The following RALGPS2 variants were observed in gnomAD, a reference collection of about 807,000 sequenced individuals.
RALGPS2 encodes the protein ras-specific guanine nucleotide-releasing factor RalGPS2.
In RALGPS2, 43 loss-of-function variants were observed where a neutral mutation model predicts 86.8. That is an observed-to-expected ratio of 0.50 (90% CI 0.39 to 0.64). RALGPS2 has a LOEUF of 0.64. Among genes scored for constraint, RALGPS2 ranks in the 30% least tolerant of loss-of-function variants. RALGPS2 has a pLI of 0.00. For synonymous variants in RALGPS2, 243 were observed against 231.3 expected, an observed-to-expected ratio of 1.05 and a Z score of -0.46; for missense variants, 536 against 694.6, an observed-to-expected ratio of 0.77 and a Z score of 2.57.
chr1:178,758,913 A>T (rs1351410793), intron 1 of RALGPS2, among the ~76,000 whole-genome samples: 1 of 152,142 alleles, frequency 6.6e-6, no homozygotes. Flanking sequence ...TTAAAAAATC[A>T]GAGTATTAGA....
chr1:178,831,690 C>G (rs924333317), intron 7 of RALGPS2, among the ~76,000 whole-genome samples: 1 of 123,342 alleles, frequency 8.1e-6, no homozygotes, highest in Non-Finnish European at 1.6e-5. Context: ...TTAAATATAA[C>G]ATTATAAATA....
At chr1:178,865,256 T>A (rs983961629) in intron 8 of RALGPS2, 11 of 1,614,122 alleles carry the variant, frequency 6.8e-6, no homozygotes, top group Non-Finnish European at 9.3e-6. Context: ...CACCTCTAGT[T>A]CCCTGTATCT....
At chr1:178,744,085 T>C (rs1416031847) in intron 1 of RALGPS2, among the ~76,000 whole-genome samples, 3 of 152,202 alleles carry the variant, frequency 2.0e-5, no homozygotes, top group African/African-American at 7.2e-5. Context: ...ATAACTCACA[T>C]GAGCATACAT....
rs1379359157 is a variant in RALGPS2, at chr1:178,920,486, T to C, written c.*4127T>C. On this transcript the variant is annotated 3_prime_UTR_variant, in exon 20 of 20. Transcript: ENST00000367635. Reference sequence around the variant, plus strand: ...TATCCCTCTCTCCACCAGCTTAATCTTTCTCACCCCAAGTCTAACAAAGTC... The same window carrying C: ...TATCCCTCTCTCCACCAGCTTAATCCTTCTCACCCCAAGTCTAACAAAGTC... The C allele has an allele frequency of 1.3e-5, 2 of 151,996 alleles. No individual in the cohort carries two copies. Among genetic ancestry groups the C allele is most frequent in the Non-Finnish European group, 2.9e-5 (2 of 67,884 alleles). The allele number at this position is 151,996 out of a possible 1,614,324, so 9.4% of individuals were successfully genotyped here.
intron 13 of RALGPS2, among the ~76,000 whole-genome samples, chr1:178,887,493 A>G (rs1411905403): frequency 6.6e-6 from 1 of 152,164 alleles, no homozygotes; most frequent in Non-Finnish European, 1.5e-5. Flanking sequence ...AGCTACTTTT[A>G]TTTTTAAAAA....
At chr1:178,910,722 T>G (rs1358325174) in intron 19 of RALGPS2, among the ~76,000 whole-genome samples, 1 of 152,188 alleles carries the variant, frequency 6.6e-6, no homozygotes. Context: ...TGTAGTTCTG[T>G]TTTTTCATTG....
At chr1:178,840,080 TAGAC>T (rs1431277526) in intron 8 of RALGPS2, among the ~76,000 whole-genome samples, 1 of 152,068 alleles carries the variant, frequency 6.6e-6, no homozygotes, top group East Asian at 1.9e-4. Flanking sequence ...CTGTCAACAT[TAGAC>T]AGATCAACAA....
intron 1 of RALGPS2, among the ~76,000 whole-genome samples, chr1:178,773,654 G>A (rs1393231487): frequency 6.6e-6 from 1 of 151,968 alleles, no homozygotes; most frequent in African/African-American, 2.4e-5. Flanking sequence ...AAATTAGCCG[G>A]GCGTGGTGGC....
intron 19 of RALGPS2, among the ~76,000 whole-genome samples, chr1:178,914,256 C>A (rs1228497430): frequency 2.0e-5 from 3 of 152,262 alleles, no homozygotes; most frequent in East Asian, 3.9e-4. Context: ...CACCATACCC[C>A]CTGGGCTCCA....
intron 4 of RALGPS2, among the ~76,000 whole-genome samples, chr1:178,807,144 C>T (rs547698158): frequency 1.3e-5 from 2 of 152,156 alleles, no homozygotes; most frequent in East Asian, 3.9e-4. Context: ...TCCAGTCTGG[C>T]CAACATAGCG....
At position 178,725,338 on chromosome 1, in the gene RALGPS2, C is replaced by G. The variant is rs1333448879; in HGVS notation, c.-165C>G. ...ACTGTTCGGGTCGACGAGTGCTACT[C>G]TAGGCGGCGGCGGCCGTGGCGGTGA... On this transcript the variant is annotated 5_prime_UTR_variant, in exon 1 of 20. Transcript: ENST00000367635. 6.4e-6 allele frequency: 1 copy of G among 157,300 alleles called. No homozygotes were observed. The highest frequency in any genetic ancestry group is 1.4e-5 in the Non-Finnish European group (1 of 72,434). The allele number at this position is 157,300 out of a possible 1,614,324, so 9.7% of individuals were successfully genotyped here.
At chr1:178,783,117 T>C (rs1201092850) in intron 2 of RALGPS2, among the ~76,000 whole-genome samples, 1 of 152,146 alleles carries the variant, frequency 6.6e-6, no homozygotes, top group Non-Finnish European at 1.5e-5. Context: ...GCGTACAGCA[T>C]GCGAGAACAA....
chr1:178,821,786 T>C (rs892327466), intron 7 of RALGPS2, 82 bp downstream of exon 7: 1 of 1,052,880 alleles, frequency 9.5e-7, no homozygotes, highest in Non-Finnish European at 1.4e-6. Context: ...TAATTCTTAT[T>C]AAAGTTAATA....
At position 178,747,813 on chromosome 1, in the gene RALGPS2, G is replaced by A. The variant is rs541807401; in HGVS notation, c.-84+22394G>A. ...GTGCCAGCGGAGACGCTCAGGCCCTGCACGATCCGCAGAGAGCCTATATTA... is the reference window on the plus strand; with the variant it reads ...GTGCCAGCGGAGACGCTCAGGCCCTACACGATCCGCAGAGAGCCTATATTA... On this transcript the variant is annotated intron_variant, in intron 1 of 19. Transcript: ENST00000367635. The A allele has an allele frequency of 1.5e-4, 96 of 654,110 alleles. No individual in the cohort carries two copies. The African/African-American group carries it at 1.6e-3, about 11-fold the overall frequency. The allele number at this position is 654,110 out of a possible 1,614,324, so 40.5% of individuals were successfully genotyped here.
chr1:178,900,652 A>G (rs1572465614), intron 17 of RALGPS2, among the ~76,000 whole-genome samples: 2 of 152,054 alleles, frequency 1.3e-5, no homozygotes, highest in South Asian at 4.1e-4. Context: ...ATACTTATCA[A>G]TAAGGAAATG....
At chr1:178,863,533 C>A (rs912774537) in intron 8 of RALGPS2, among the ~76,000 whole-genome samples, 29 of 152,188 alleles carry the variant, frequency 1.9e-4, no homozygotes, top group African/African-American at 6.5e-4. Flanking sequence ...GCCTTGAGAT[C>A]TGCTAAATTG....
intron 8 of RALGPS2, among the ~76,000 whole-genome samples, chr1:178,851,773 C>G (rs1319756167): frequency 6.6e-6 from 1 of 152,118 alleles, no homozygotes; most frequent in African/African-American, 2.4e-5. Flanking sequence ...TCTATCTCTC[C>G]TCTTTTCTCG....
At chr1:178,880,079 T>C (rs1659178605) in intron 10 of RALGPS2, among the ~76,000 whole-genome samples, 1 of 152,178 alleles carries the variant, frequency 6.6e-6, no homozygotes, top group Admixed American at 6.5e-5. Flanking sequence ...TTCGCAAGCT[T>C]TCAAATTGAA....
chr1:178,735,727 G>A (rs1473588471), intron 1 of RALGPS2, among the ~76,000 whole-genome samples: 2 of 147,480 alleles, frequency 1.4e-5, no homozygotes. Flanking sequence ...ATTTGTACAT[G>A]TATCTCAAAA....
Sources: allele counts gnomAD v4.1 joint callset (sites outside exome capture counted in the v4.1 genomes callset), GRCh38; gene constraint gnomAD v4.1.1; transcripts MANE v1.5; gene names NCBI Gene and HGNC (gene_info 2026-07-23, HGNC 2026-07-21).